Variants in GTF2F2 observed in about 807,000 individuals in gnomAD.
The protein encoded by GTF2F2 is general transcription factor IIF subunit 2.
A neutral mutation model predicts 42.2 loss-of-function variants in GTF2F2; 23 were observed. The ratio of observed to expected loss-of-function variants is 0.55; its 90% confidence interval spans 0.39 to 0.77. The LOEUF (loss-of-function observed/expected upper bound fraction) is 0.77. Ranked by LOEUF, GTF2F2 falls within the 30% of genes least tolerant of loss-of-function variation. The pLI is 0.00. For missense variants in GTF2F2, 261 were observed against 287.2 expected, an observed-to-expected ratio of 0.91 and a Z score of 0.66; for synonymous variants, 105 against 100.8, an observed-to-expected ratio of 1.04 and a Z score of -0.25.
intron 4 of GTF2F2, among the ~76,000 whole-genome samples, chr13:45,184,392 C>T (rs919326304): frequency 1.3e-5 from 2 of 148,860 alleles, no homozygotes; most frequent in South Asian, 2.1e-4. Flanking sequence ...TTATTCCCCC[C>T]CGCCCTTTTT....
At chr13:45,278,151 G>T (rs778501609) in intron 7 of GTF2F2, among the ~76,000 whole-genome samples, 2 of 152,124 alleles carry the variant, frequency 1.3e-5, no homozygotes, top group Non-Finnish European at 2.9e-5. Flanking sequence ...GTGGAGGGAC[G>T]GAAGGAAGGA....
intron 5 of GTF2F2, among the ~76,000 whole-genome samples, chr13:45,209,494 C>A (rs1270757171): frequency 6.6e-6 from 1 of 152,170 alleles, no homozygotes; most frequent in East Asian, 1.9e-4. Flanking sequence ...ATGTGAGTTT[C>A]ATGAAGTAGA....
chr13:45,151,570 G>GT, intron 3 of GTF2F2, 117 bp from the exon 4 acceptor site: 1 of 614,542 alleles, frequency 1.6e-6, no homozygotes, highest in Non-Finnish European at 2.7e-6. Context: ...TTAATAAAGT[G>GT]TTTAATGAAA....
Position 45,168,817 on chromosome 13 carries a change from TTCCTTCCTTCCC to T in GTF2F2, c.304+16990_304+17001del, listed in dbSNP as rs1262616141. On this transcript the variant is annotated intron_variant, in intron 4 of 7. Transcript: ENST00000340473. ...CTTCCTTCCTTCCTTCCTTCCTTCC[TTCCTTCCTTCCC>T]TCCCTCTTTCCTTCCCTCCCTCTTT... Among the ~76,000 whole-genome samples, 13 of 126,938 alleles carry T rather than the reference TTCCTTCCTTCCC, an allele frequency of 1.0e-4. 1 individual carries two copies. The East Asian group carries it at 1.3e-3, about 12-fold the overall frequency. The allele number at this position is 126,938 out of a possible 152,430, so 83.3% of individuals were successfully genotyped here.
At chr13:45,275,771 A>C (rs1877008277) in intron 7 of GTF2F2, among the ~76,000 whole-genome samples, 1 of 152,098 alleles carries the variant, frequency 6.6e-6, no homozygotes, top group African/African-American at 2.4e-5. Flanking sequence ...ATACGTGTGC[A>C]TGTGTCTTTA....
intron 5 of GTF2F2, among the ~76,000 whole-genome samples, chr13:45,213,524 C>T (rs1411560169): frequency 2.2e-4 from 33 of 152,286 alleles, no homozygotes; most frequent in Non-Finnish European, 5.9e-5. Flanking sequence ...TCTGCATTCC[C>T]ACATATTTAA....
At chr13:45,276,439 C>CT (rs61148455) in intron 7 of GTF2F2, among the ~76,000 whole-genome samples, 61,367 of 144,146 alleles carry the variant, frequency 0.43, 15,651 homozygotes, top group African/African-American at 0.72. Context: ...AACTGCTAGA[C>CT]TTTTTTTTTT....
chr13:45,161,057 A>G (rs1337491275), intron 4 of GTF2F2, among the ~76,000 whole-genome samples: 1 of 152,164 alleles, frequency 6.6e-6, no homozygotes, highest in Non-Finnish European at 1.5e-5. Flanking sequence ...TTTAATAAAA[A>G]CAGTTTTTAC....
At chr13:45,212,467 C>CTTTTCTTTTCTTTTCTTTTCTTTTCT (rs371132076) in intron 5 of GTF2F2, among the ~76,000 whole-genome samples, 21 of 55,136 alleles carry the variant, frequency 3.8e-4, no homozygotes, top group African/African-American at 1.3e-3. Context: ...TTCTTTCTTT[C>CTTTTCTTTTCTTTTCTTTTCTTTTCT]TTTCTTTCTT....
intron 6 of GTF2F2, among the ~76,000 whole-genome samples, chr13:45,254,712 G>C (rs561039045): frequency 1.5e-3 from 222 of 152,322 alleles, no homozygotes; most frequent in Non-Finnish European, 2.8e-3. Context: ...AAGGGCTAAG[G>C]GTTTTGGGTT....
chr13:45,199,985 T>C (rs1294592092), intron 4 of GTF2F2, among the ~76,000 whole-genome samples: 1 of 152,116 alleles, frequency 6.6e-6, no homozygotes. Flanking sequence ...AGTTATAAAC[T>C]AGGGATGGAG....
chr13:45,129,528 G>A (rs1179983389), intron 1 of GTF2F2, among the ~76,000 whole-genome samples: 2 of 152,152 alleles, frequency 1.3e-5, no homozygotes, highest in African/African-American at 4.8e-5. Context: ...TTATTTTAAG[G>A]TGGATCTCTG....
intron 1 of GTF2F2, among the ~76,000 whole-genome samples, chr13:45,132,751 TGTAGAA>T (rs1869430586): frequency 1.3e-5 from 2 of 151,626 alleles, no homozygotes; most frequent in African/African-American, 4.8e-5. Flanking sequence ...AGGTGGTAGA[TGTAGAA>T]GTTTAGATTT....
rs1411129375 is a variant in GTF2F2, at chr13:45,241,288, T to C, written c.387-11583T>C. 2.6e-5 allele frequency among the ~76,000 whole-genome samples: 4 copies of C among 151,896 alleles called. No individual in the cohort carries two copies. The South Asian group carries it at 6.2e-4, about 24-fold the overall frequency. Reference sequence around the variant, plus strand: ...AGGGTGATAAACAGCTAGAGCTGAGTACTTGCTACCCACCTGGGGTGGAGC... The same window carrying C: ...AGGGTGATAAACAGCTAGAGCTGAGCACTTGCTACCCACCTGGGGTGGAGC... On this transcript the variant is annotated intron_variant, in intron 5 of 7. Transcript: ENST00000340473.
chr13:45,210,794 A>G (rs568518836), intron 5 of GTF2F2, among the ~76,000 whole-genome samples: 66 of 152,336 alleles, frequency 4.3e-4, no homozygotes, highest in African/African-American at 1.4e-3. Context: ...TGCTATAACT[A>G]TTAAGGAGAT....
At chr13:45,164,179 C>T (rs1333685511) in intron 4 of GTF2F2, among the ~76,000 whole-genome samples, 1 of 151,958 alleles carries the variant, frequency 6.6e-6, no homozygotes, top group African/African-American at 2.4e-5. Context: ...ACTTGGGAGG[C>T]TGAGGCACGA....
Position 45,173,591 on chromosome 13 carries a change from CT to C in GTF2F2, c.304+21761del, listed in dbSNP as rs201380956. On this transcript the variant is annotated intron_variant, in intron 4 of 7. Transcript: ENST00000340473. ...AACCCCCAGAAATGACTGATCTGTT[CT>C]GCATTTTTATAACTTTGTCATTTTT... Among the ~76,000 whole-genome samples the C allele has an allele frequency of 9.2e-4, 135 of 146,398 alleles. 2 individuals are homozygous for C. In the East Asian group the frequency reaches 0.02, roughly 22 times the overall value.
intron 7 of GTF2F2, among the ~76,000 whole-genome samples, chr13:45,270,477 C>T (rs929799415): frequency 1.3e-5 from 2 of 152,102 alleles, no homozygotes; most frequent in African/African-American, 2.4e-5. Context: ...GGAGGCTGAG[C>T]GTGCTAGCTC....
intron 1 of GTF2F2, chr13:45,123,175 G>T (rs1375155657): frequency 6.6e-6 from 1 of 152,332 alleles, no homozygotes; most frequent in Non-Finnish European, 1.5e-5. Flanking sequence ...GGCTAGGCGG[G>T]TGTCTCCTTC....
Sources: gnomAD v4.1 joint callset for allele counts (sites outside exome capture counted in the v4.1 genomes callset) on GRCh38, gnomAD v4.1.1 for gene constraint, MANE v1.5 for transcripts, NCBI Gene and HGNC (gene_info 2026-07-23, HGNC 2026-07-21) for gene names.